Variants in SPOPL observed in about 807,000 individuals in gnomAD.
The protein encoded by SPOPL is speckle-type POZ protein-like.
A neutral mutation model predicts 53.8 loss-of-function variants in SPOPL; 23 were observed. That is an observed-to-expected ratio of 0.43 (90% CI 0.31 to 0.61). SPOPL has a LOEUF of 0.61. Ranked by LOEUF, SPOPL falls within the 20% of genes least tolerant of loss-of-function variation. The pLI, the probability that SPOPL is intolerant of heterozygous loss-of-function variation, is 0.12. For synonymous variants in SPOPL, 164 were observed against 149.7 expected, an observed-to-expected ratio of 1.10 and a Z score of -0.70; for missense variants, 442 against 466.9, an observed-to-expected ratio of 0.95 and a Z score of 0.49.
At chr2:138,517,456 T>A (rs1684462563) in intron 1 of SPOPL, among the ~76,000 whole-genome samples, 1 of 152,124 alleles carries the variant, frequency 6.6e-6, no homozygotes, top group Admixed American at 6.5e-5. Context: ...GTAAAATATT[T>A]CTTGCCGGGT....
At chr2:138,517,215 A>G (rs530919204) in intron 1 of SPOPL, among the ~76,000 whole-genome samples, 1 of 152,322 alleles carries the variant, frequency 6.6e-6, no homozygotes, top group African/African-American at 2.4e-5. Context: ...TTGATGGATT[A>G]TAGAGGGTGG....
At chr2:138,550,388 G>C (rs1165907476) in intron 2 of SPOPL, 94 bp downstream of exon 2, 3 of 1,578,112 alleles carry the variant, frequency 1.9e-6, no homozygotes, top group African/African-American at 1.4e-5. Flanking sequence ...ATAGTTATTA[G>C]AAGTGTTAGA....
chr2:138,562,349 T>C (rs1685567710), intron 8 of SPOPL, among the ~76,000 whole-genome samples: 1 of 152,102 alleles, frequency 6.6e-6, no homozygotes, highest in South Asian at 2.1e-4. Flanking sequence ...ATAAAGAATA[T>C]GAATATGAAA....
In SPOPL at chr2:138,572,610, AATTT is replaced by A. The variant is rs1448550026; in HGVS notation, c.*3534_*3537del. ...TTTGATGGATAAAATAAAAATATTC[AATTT>A]ATTCTTACAAAAGAAGGTGGGTGGG... On this transcript the variant is annotated 3_prime_UTR_variant, in exon 11 of 11. Transcript: ENST00000280098. The A allele has an allele frequency of 6.6e-6, 1 of 152,530 alleles. No homozygotes were observed. The highest frequency in any genetic ancestry group is 2.4e-5 in the African/African-American group (1 of 41,434). 9.4% of individuals were successfully genotyped at this position (152,530 alleles called of 1,614,324 possible).
intron 1 of SPOPL, among the ~76,000 whole-genome samples, chr2:138,531,434 C>T (rs1684807080): frequency 6.6e-6 from 1 of 152,052 alleles, no homozygotes; most frequent in Non-Finnish European, 1.5e-5. Flanking sequence ...CATTTTAATT[C>T]TACTTATATT....
chr2:138,568,813 T>G, intron 10 of SPOPL, 123 bp from the exon 11 acceptor site: 2 of 986,906 alleles, frequency 2.0e-6, no homozygotes, highest in Non-Finnish European at 3.0e-6. Context: ...AGCAAATGAT[T>G]TGAATACATA....
intron 1 of SPOPL, among the ~76,000 whole-genome samples, chr2:138,548,656 T>C (rs1386533555): frequency 6.6e-6 from 1 of 152,070 alleles, no homozygotes; most frequent in Non-Finnish European, 1.5e-5. Context: ...TTTTCTTATT[T>C]GTAAAAATTC....
chr2:138,570,175 C>A lies in SPOPL; in HGVS notation c.*1095C>A, dbSNP rs1399966030. Reference sequence around the variant, plus strand: ...AAAGACACCTGAACAATAAATGAATCCTGGATAGTCTACTCTCCTTCAAAC... The same window carrying A: ...AAAGACACCTGAACAATAAATGAATACTGGATAGTCTACTCTCCTTCAAAC... On this transcript the variant is annotated 3_prime_UTR_variant, in exon 11 of 11. Transcript: ENST00000280098. 6.6e-6 allele frequency: 1 copy of A among 152,052 alleles called. No individual in the cohort carries two copies. Among genetic ancestry groups the A allele is most frequent in the Non-Finnish European group, 1.5e-5 (1 of 67,996 alleles). The allele number at this position is 152,052 out of a possible 1,614,324, so 9.4% of individuals were successfully genotyped here.
chr2:138,569,342 T>C lies in SPOPL; in HGVS notation c.*262T>C. 2 of 339,920 alleles carry C rather than the reference T, an allele frequency of 5.9e-6. No individual in the cohort carries two copies. Among genetic ancestry groups the C allele is most frequent in the Non-Finnish European group, 1.1e-5 (2 of 187,852 alleles). The allele number at this position is 339,920 out of a possible 1,614,324, so 21.1% of individuals were successfully genotyped here. ...CATATAATACTTTAATTTTTTTTTA[T>C]TGTGCCTTGTCATTTTGACCAAGGC... On this transcript the variant is annotated 3_prime_UTR_variant, in exon 11 of 11. Coordinates refer to ENST00000280098, the MANE Select transcript of SPOPL (RefSeq NM_001001664.3).
chr2:138,526,468 G>T (rs1684677470), intron 1 of SPOPL, among the ~76,000 whole-genome samples: 1 of 152,002 alleles, frequency 6.6e-6, no homozygotes, highest in Non-Finnish European at 1.5e-5. Flanking sequence ...AAATTAAATT[G>T]TGTGTTAATT....
intron 1 of SPOPL, among the ~76,000 whole-genome samples, chr2:138,525,883 A>G (rs574108025): frequency 6.6e-6 from 1 of 151,414 alleles, no homozygotes; most frequent in Admixed American, 6.6e-5. Context: ...GCATTACATG[A>G]GAGAGTAGAG....
At position 138,571,133 on chromosome 2, in the gene SPOPL, A is replaced by G. The variant is rs1685771893; in HGVS notation, c.*2053A>G. On this transcript the variant is annotated 3_prime_UTR_variant, in exon 11 of 11. Coordinates refer to ENST00000280098, the MANE Select transcript of SPOPL (RefSeq NM_001001664.3). ...CATACATACATATGTATACATTTCC[A>G]GTTTTAAGATTTTGCGAGGGTCTTA... 1 of 152,162 alleles carries G rather than the reference A, an allele frequency of 6.6e-6. No homozygotes were observed. Among genetic ancestry groups the G allele is most frequent in the South Asian group, 2.1e-4 (1 of 4,834 alleles). The allele number at this position is 152,162 out of a possible 1,614,324, so 9.4% of individuals were successfully genotyped here.
intron 1 of SPOPL, among the ~76,000 whole-genome samples, chr2:138,544,496 A>G (rs1685148376): frequency 6.6e-6 from 1 of 152,204 alleles, no homozygotes; most frequent in Admixed American, 6.5e-5. Context: ...TGTGTTAGCA[A>G]TGAGCGAGGC....
intron 1 of SPOPL, among the ~76,000 whole-genome samples, chr2:138,547,919 A>G (rs1685233283): frequency 6.6e-6 from 1 of 152,160 alleles, no homozygotes; most frequent in African/African-American, 2.4e-5. Context: ...CCTGTCATTA[A>G]GAAAATTTAA....
intron 1 of SPOPL, among the ~76,000 whole-genome samples, chr2:138,516,339 G>T (rs1278141011): frequency 2.0e-5 from 3 of 152,148 alleles, no homozygotes; most frequent in Non-Finnish European, 4.4e-5. Context: ...TAAAAAATGG[G>T]AAGAGGCTAA....
rs1404871621 is a variant in SPOPL at position 138,570,789 on chromosome 2, A to G, written c.*1709A>G. ...TTAGGTGTTAACTGAAGCAATTCGA[A>G]TATGTCCAGATTCATTTGGATTCAT... On this transcript the variant is annotated 3_prime_UTR_variant, in exon 11 of 11. Coordinates refer to ENST00000280098, the MANE Select transcript of SPOPL (RefSeq NM_001001664.3). 2.0e-5 allele frequency: 3 copies of G among 152,180 alleles called. No homozygotes were observed. Among genetic ancestry groups the G allele is most frequent in the South Asian group, 2.1e-4 (1 of 4,832 alleles). The allele number at this position is 152,180 out of a possible 1,614,324, so 9.4% of individuals were successfully genotyped here.
chr2:138,560,554 T>C (rs1426119144), intron 7 of SPOPL, among the ~76,000 whole-genome samples: 2 of 152,088 alleles, frequency 1.3e-5, no homozygotes, highest in Non-Finnish European at 2.9e-5. Context: ...CAGCTGGTCA[T>C]GGTTCCCACC....
intron 1 of SPOPL, among the ~76,000 whole-genome samples, chr2:138,520,359 G>T (rs1684530246): frequency 6.6e-6 from 1 of 152,144 alleles, no homozygotes; most frequent in South Asian, 2.1e-4. Flanking sequence ...AGAGTATCTG[G>T]ATGATCCTGT....
At position 138,502,087 on chromosome 2, in the gene SPOPL, C is replaced by T. The variant is rs1386148708; in HGVS notation, c.-93C>T. The T allele has an allele frequency of 6.6e-6, 1 of 152,444 alleles. No homozygotes were observed. Among genetic ancestry groups the T allele is most frequent in the Admixed American group, 6.5e-5 (1 of 15,284 alleles). 9.4% of individuals were successfully genotyped at this position (152,444 alleles called of 1,614,324 possible). A position where few individuals can be genotyped will look rare whatever the true frequency, so the allele number is the denominator to read the frequency against. On this transcript the variant is annotated 5_prime_UTR_variant, in exon 1 of 11. Transcript: ENST00000280098. ...CGCCTCAGCGGGAGAGGAGTCTCCA[C>T]CAGGACTGACCGCTGCCGCCCAGCA...
Sources: gnomAD v4.1 joint callset for allele counts (sites outside exome capture counted in the v4.1 genomes callset) on GRCh38, gnomAD v4.1.1 for gene constraint, MANE v1.5 for transcripts, NCBI Gene and HGNC (gene_info 2026-07-23, HGNC 2026-07-21) for gene names.